Variants in CRACR2A observed in about 807,000 individuals in gnomAD.
CRACR2A encodes EF-hand calcium-binding domain-containing protein 4B.
Under a neutral mutation model 90.5 loss-of-function variants are expected in CRACR2A, and 79 were observed. The observed-to-expected ratio is 0.87, with a 90% CI of 0.73 to 1.05. The LOEUF (loss-of-function observed/expected upper bound fraction) is 1.05, where lower values mean the gene tolerates loss of function less well. Ranked by LOEUF, CRACR2A falls within the 50% of genes least tolerant of loss-of-function variation. The probability of loss-of-function intolerance (pLI) is 0.00; values close to 1 mark genes in which losing one functional copy is unlikely to be tolerated. For missense variants in CRACR2A, 823 were observed against 897.2 expected (o/e 0.92, Z 1.06); for synonymous variants, 338 against 356.7 (o/e 0.95, Z 0.59).
At position 3,696,789 on chromosome 12, in the gene CRACR2A, C is replaced by T. The variant is rs150886385; in HGVS notation, c.211G>A (p.Ala71Thr). ...TCDAEGKGFI[A>T]RKDMQRLHKE... ...CCACTTACCTGCATATCCTTCCTGG[C>T]GATGAAGCCCTTGCCTTCAGCATCA... is the stretch of plus-strand genomic sequence containing the variant. The change falls in exon 4 of 20, where the codon GCC becomes ACC. Residue 71 changes from alanine (A) to threonine (T), a missense_variant. By Grantham distance (58) the Ala-to-Thr change is moderately conservative. Coordinates refer to ENST00000440314, the MANE Select transcript of CRACR2A (RefSeq NM_001144958.2). 44 of 1,614,166 alleles carry T rather than the reference C, an allele frequency of 2.7e-5. No homozygotes were observed. The African/African-American group carries it at 5.3e-4, about 20-fold the overall frequency.
At chr12:3,686,272 G>A (rs181816545) in intron 4 of CRACR2A, among the ~76,000 whole-genome samples, 23 of 152,224 alleles carry the variant, frequency 1.5e-4, no homozygotes, top group African/African-American at 4.3e-4. Context: ...TGGACCATTC[G>A]GTCTTTGTCA....
chr12:3,622,857 G>A (rs1591633826), intron 17 of CRACR2A, among the ~76,000 whole-genome samples: 1 of 152,206 alleles, frequency 6.6e-6, no homozygotes, highest in Admixed American at 6.5e-5. Context: ...ATTTATTTGT[G>A]TGGTTCATTT....
Position 3,627,553 on chromosome 12 carries a change from G to T in CRACR2A, c.1818-3C>A. On this transcript the variant is annotated splice_polypyrimidine_tract_variant and splice_region_variant and intron_variant, in intron 16 of 19. Coordinates refer to ENST00000440314, the MANE Select transcript of CRACR2A (RefSeq NM_001144958.2). ...ACTGCTGGGTGATGCACCGGTACCT[G>T]CCACAGAAGGGCCACGGGTCAGGCA... is the stretch of plus-strand genomic sequence containing the variant. The T allele has an allele frequency of 6.4e-7, 1 of 1,551,614 alleles. No individual in the cohort carries two copies. The highest frequency in any genetic ancestry group is 8.7e-7 in the Non-Finnish European group (1 of 1,146,922).
chr12:3,744,756 T>A (rs1946583565), intron 1 of CRACR2A, among the ~76,000 whole-genome samples: 1 of 152,070 alleles, frequency 6.6e-6, no homozygotes, highest in African/African-American at 2.4e-5. Flanking sequence ...CGACAGGACA[T>A]CTGATGGTGA....
At chr12:3,656,490 C>T in intron 8 of CRACR2A, 84 bp from the exon 9 acceptor site, 8 of 1,230,294 alleles carry the variant, frequency 6.5e-6, no homozygotes, top group Non-Finnish European at 9.5e-6. Context: ...CTTGAACCTA[C>T]TCAACATCAG....
At chr12:3,666,369 GTGCGCGCGCACGCGCGCACACGCTCA>G (rs1945148944) in intron 7 of CRACR2A, among the ~76,000 whole-genome samples, 1 of 151,704 alleles carries the variant, frequency 6.6e-6, no homozygotes, top group Admixed American at 6.6e-5. Flanking sequence ...GCGTGTGCGC[GTGCGCGCGCACGCGCGCACACGCTCA>G]TGTGTACATC....
chr12:3,718,613 T>C lies in CRACR2A; in HGVS notation c.-117-5296A>G, dbSNP rs1946113186. On this transcript the variant is annotated intron_variant, in intron 2 of 19. Coordinates refer to ENST00000440314, the MANE Select transcript of CRACR2A (RefSeq NM_001144958.2). ...TGTAAAAGATCTCGTTAATAATTTT[T>C]AGAGTGACTGCATGCTGAAATGATT... Among the ~76,000 whole-genome samples, 4 of 152,244 alleles carry C rather than the reference T, an allele frequency of 2.6e-5. No homozygotes were observed. The South Asian group carries it at 8.3e-4, about 31-fold the overall frequency.
At chr12:3,688,210 A>C (rs1438912678) in intron 4 of CRACR2A, among the ~76,000 whole-genome samples, 1 of 151,980 alleles carries the variant, frequency 6.6e-6, no homozygotes, top group Non-Finnish European at 1.5e-5. Flanking sequence ...CCATTTGTCA[A>C]TTTTTGCTTT....
chr12:3,638,210 G>A lies in CRACR2A; in HGVS notation c.1516C>T (p.Gln506Ter), dbSNP rs1944493675. The A allele has an allele frequency of 6.4e-7, 1 of 1,551,670 alleles. No individual in the cohort carries two copies. The highest frequency in any genetic ancestry group is 8.7e-7 in the Non-Finnish European group (1 of 1,146,978). Reference sequence around the variant, plus strand: ...GGTGGGGCCTCCGGGATTTGTCCCTGTACCCCCTGGTCAGAGACCTCTTCC... The same window carrying A: ...GGTGGGGCCTCCGGGATTTGTCCCTATACCCCCTGGTCAGAGACCTCTTCC... ...EEEEVSDQGV[Q>*]GQIPEAPPLK... Residue 506 changes from glutamine to a stop codon, truncating the protein, a stop_gained, in exon 14 of 20, where the codon CAG (glutamine) becomes TAG (stop). Coordinates refer to ENST00000440314, the MANE Select transcript of CRACR2A (RefSeq NM_001144958.2). LOFTEE classifies it high-confidence loss of function.
intron 1 of CRACR2A, among the ~76,000 whole-genome samples, chr12:3,751,191 T>C (rs1946696708): frequency 6.6e-6 from 1 of 152,208 alleles, no homozygotes; most frequent in Admixed American, 6.5e-5. Flanking sequence ...CTCATGAGGT[T>C]GTCAGGAGGA....
Position 3,633,032 on chromosome 12 carries a change from A to G in CRACR2A, c.1735+572T>C, listed in dbSNP as rs1017613613. On this transcript the variant is annotated intron_variant, in intron 15 of 19. Transcript: ENST00000440314. This position sits in a 1 kb window ranked among gnomAD's most constrained non-coding sequence, Gnocchi z 4.5. ...AGTGGGAATACATTAAGCCATGATC[A>G]TCCATTAATAGCTGAGCCTAATGAG... 2.6e-5 allele frequency among the ~76,000 whole-genome samples: 4 copies of G among 152,228 alleles called. No homozygotes were observed. Among genetic ancestry groups the G allele is most frequent in the Non-Finnish European group, 5.9e-5 (4 of 68,042 alleles).
intron 17 of CRACR2A, among the ~76,000 whole-genome samples, chr12:3,622,649 C>T (rs868310740): frequency 1.3e-5 from 2 of 149,588 alleles, no homozygotes; most frequent in Admixed American, 6.7e-5. Flanking sequence ...TGTGTGTGTG[C>T]GTGCGTTTTA....
intron 14 of CRACR2A, among the ~76,000 whole-genome samples, chr12:3,636,339 C>T (rs980479237): frequency 3.9e-5 from 6 of 152,212 alleles, no homozygotes; most frequent in African/African-American, 2.4e-5. Flanking sequence ...TATGTGGCTG[C>T]TAGTGAATCA....
At position 3,664,547 on chromosome 12, in the gene CRACR2A, A is replaced by AT. The variant is rs1176802322; in HGVS notation, c.672-4894dup. Reference sequence around the variant, plus strand: ...CATGTTGTTCTTCTTTATGGATGGAATTTTTTTATTACTTCAAAACATTCC... The same window carrying AT: ...CATGTTGTTCTTCTTTATGGATGGAATTTTTTTTATTACTTCAAAACATTCC... On this transcript the variant is annotated intron_variant, in intron 7 of 19. Transcript: ENST00000440314. Among the ~76,000 whole-genome samples, 10 of 152,150 alleles carry AT rather than the reference A, an allele frequency of 6.6e-5. No homozygotes were observed. The East Asian group carries it at 1.9e-3, about 29-fold the overall frequency.
chr12:3,729,705 G>GA (rs1169788047), intron 2 of CRACR2A: 1 of 152,058 alleles, frequency 6.6e-6, no homozygotes, highest in Non-Finnish European at 1.5e-5. Flanking sequence ...TCTGTCTCAA[G>GA]AAAAAACAAA....
In CRACR2A at chr12:3,638,164, G is replaced by A. The variant is rs1270598468; in HGVS notation, c.1562C>T (p.Ser521Phe). 1.4e-5 allele frequency: 21 copies of A among 1,550,002 alleles called. No individual in the cohort carries two copies. The highest frequency in any genetic ancestry group is 1.7e-5 in the Non-Finnish European group (19 of 1,145,798). Reference sequence around the variant, plus strand: ...TTTTCCAACAGGCTGCCCTCGGGGGGATGTGGGGGTGAGTTTCAAGGGTGG... The same window carrying A: ...TTTTCCAACAGGCTGCCCTCGGGGGAATGTGGGGGTGAGTTTCAAGGGTGG... ...EAPPLKLTPT[S>F]PRGQPVGKEA... The change falls in exon 14 of 20, where the codon TCC becomes TTC. Residue 521 changes from serine to phenylalanine, a missense_variant. Coordinates refer to ENST00000440314, the MANE Select transcript of CRACR2A (RefSeq NM_001144958.2).
chr12:3,681,701 A>C (rs944642855), intron 4 of CRACR2A, among the ~76,000 whole-genome samples: 1 of 152,234 alleles, frequency 6.6e-6, no homozygotes, highest in Non-Finnish European at 1.5e-5. Flanking sequence ...TGTAAGAAGA[A>C]AGGTATATAC....
At chr12:3,691,492 G>C (rs746133023) in intron 4 of CRACR2A, among the ~76,000 whole-genome samples, 2 of 152,068 alleles carry the variant, frequency 1.3e-5, no homozygotes, top group Non-Finnish European at 2.9e-5. Flanking sequence ...TGGCTTGCAG[G>C]GTTTCTACCG....
intron 3 of CRACR2A, among the ~76,000 whole-genome samples, chr12:3,701,835 C>A (rs1244044395): frequency 6.6e-6 from 1 of 152,024 alleles, no homozygotes; most frequent in Non-Finnish European, 1.5e-5. Context: ...GCTAGCATTA[C>A]CCTGATACCA....
Sources: allele counts gnomAD v4.1 joint callset (sites outside exome capture counted in the v4.1 genomes callset), GRCh38; gene constraint gnomAD v4.1.1; non-coding constraint Gnocchi (gnomAD v3.1); transcripts MANE v1.5; gene names NCBI Gene and HGNC (gene_info 2026-07-23, HGNC 2026-07-21).